Variants in PCDH15 observed in about 807,000 individuals in gnomAD.
The protein encoded by PCDH15 is protocadherin related 15.
In PCDH15, 129 loss-of-function variants were observed where a neutral mutation model predicts 178.5. The observed-to-expected ratio is 0.72, with a 90% CI of 0.63 to 0.84. The LOEUF (loss-of-function observed/expected upper bound fraction) is 0.84. Ranked by LOEUF, PCDH15 falls within the 40% of genes least tolerant of loss-of-function variation. PCDH15 has a pLI of 0.00. For missense variants in PCDH15, 2,230 were observed against 2,099.9 expected, an observed-to-expected ratio of 1.06 and a Z score of -1.21; for synonymous variants, 800 against 732.0, an observed-to-expected ratio of 1.09 and a Z score of -1.50.
chr10:54,441,589 C>G (rs893391728), intron 3 of PCDH15, among the ~76,000 whole-genome samples: 3 of 151,888 alleles, frequency 2.0e-5, no homozygotes, highest in Admixed American at 6.6e-5. Flanking sequence ...GTTATTCACA[C>G]ACCAAATTGT....
chr10:55,295,215 T>C (rs1055917086), intron 1 of PCDH15, among the ~76,000 whole-genome samples: 8 of 152,222 alleles, frequency 5.3e-5, no homozygotes, highest in African/African-American at 1.9e-4. Context: ...CTCCCTTTTT[T>C]ATTCCTACTT....
At chr10:54,895,873 T>C (rs909203514) in intron 3 of PCDH15, among the ~76,000 whole-genome samples, 2 of 152,106 alleles carry the variant, frequency 1.3e-5, no homozygotes, top group African/African-American at 4.8e-5. Flanking sequence ...AACTGAAAAA[T>C]AGCTAAGGGT....
chr10:55,055,244 C>T (rs1341776426), intron 2 of PCDH15, among the ~76,000 whole-genome samples: 2 of 152,056 alleles, frequency 1.3e-5, no homozygotes, highest in African/African-American at 2.4e-5. Flanking sequence ...AGCCTGTTAT[C>T]CAAGCAACAT....
intron 2 of PCDH15, among the ~76,000 whole-genome samples, chr10:55,471,733 T>C (rs964444727): frequency 4.6e-5 from 7 of 152,208 alleles, no homozygotes; most frequent in African/African-American, 1.7e-4. Context: ...GCGGAAGCTA[T>C]TGATGTTCTA....
At chr10:54,395,404 CCTGT>C (rs1297657729) in intron 3 of PCDH15, among the ~76,000 whole-genome samples, 4 of 147,244 alleles carry the variant, frequency 2.7e-5, no homozygotes, top group Non-Finnish European at 4.5e-5. Flanking sequence ...GACTATTATT[CCTGT>C]CTATCTCTAT....
chr10:54,895,782 C>G lies in PCDH15; in HGVS notation c.-29+1668G>C, dbSNP rs1297890730. ...GGTATATATCACTAAAAAGAACAAG[C>G]TGAATCAGTCAAGGTTTTTTTTAGC... On this transcript the variant is annotated intron_variant, in intron 3 of 5. Transcript: ENST00000458638. 2.6e-5 allele frequency among the ~76,000 whole-genome samples: 4 copies of G among 152,112 alleles called. 1 individual carries two copies. The highest frequency in any genetic ancestry group is 5.9e-5 in the Non-Finnish European group (4 of 68,012).
At chr10:54,129,934 T>C (rs557793048) in intron 15 of PCDH15, among the ~76,000 whole-genome samples, 1 of 152,220 alleles carries the variant, frequency 6.6e-6, no homozygotes, top group Non-Finnish European at 1.5e-5. Flanking sequence ...AAATTTTGTG[T>C]TTAAAAAAGG....
At chr10:53,853,327 C>T (rs935893761) in intron 28 of PCDH15, among the ~76,000 whole-genome samples, 6 of 151,712 alleles carry the variant, frequency 4.0e-5, no homozygotes, top group Admixed American at 2.0e-4. Context: ...TAGAATAAAA[C>T]GTATGAGAGG....
chr10:54,329,280 A>G (rs2039134998), intron 7 of PCDH15, among the ~76,000 whole-genome samples: 1 of 151,940 alleles, frequency 6.6e-6, no homozygotes, highest in Non-Finnish European at 1.5e-5. Context: ...ATGTATATTT[A>G]ATACACACCC....
At chr10:55,230,118 C>T (rs1242876169) in intron 1 of PCDH15, among the ~76,000 whole-genome samples, 1 of 151,834 alleles carries the variant, frequency 6.6e-6, no homozygotes, top group African/African-American at 2.4e-5. Flanking sequence ...TTCAATATTG[C>T]TATATGCAAA....
chr10:55,447,648 A>G lies in PCDH15; in HGVS notation c.-156+179977T>C, dbSNP rs1368385208. On this transcript the variant is annotated intron_variant, in intron 2 of 5. Coordinates refer to the PCDH15 transcript ENST00000613346. Reference sequence around the variant, plus strand: ...CCCTGCAAACTAAACCGAAGAAAAAATAATGCAATATTTTTCTAACTTCAG... The same window carrying G: ...CCCTGCAAACTAAACCGAAGAAAAAGTAATGCAATATTTTTCTAACTTCAG... Among the ~76,000 whole-genome samples, 6 of 152,094 alleles carry G rather than the reference A, an allele frequency of 3.9e-5. No homozygotes were observed. The East Asian group carries it at 1.2e-3, about 29-fold the overall frequency.
intron 3 of PCDH15, among the ~76,000 whole-genome samples, chr10:54,471,975 A>G (rs1252323771): frequency 6.6e-6 from 1 of 152,136 alleles, no homozygotes; most frequent in African/African-American, 2.4e-5. Flanking sequence ...ACTCTGATTT[A>G]TGAGAGCACA....
At chr10:55,340,500 A>C (rs1844524169) in intron 2 of PCDH15, among the ~76,000 whole-genome samples, 2 of 152,148 alleles carry the variant, frequency 1.3e-5, no homozygotes, top group Admixed American at 1.3e-4. Flanking sequence ...GGAATATGCC[A>C]CAATCACATA....
chr10:55,344,095 G>A (rs1397575954), intron 2 of PCDH15, among the ~76,000 whole-genome samples: 5 of 152,012 alleles, frequency 3.3e-5, no homozygotes, highest in Non-Finnish European at 7.4e-5. Flanking sequence ...GAGATACCAG[G>A]CAGAAAAGCC....
At chr10:54,717,876 G>A (rs1470677277) in intron 1 of PCDH15, among the ~76,000 whole-genome samples, 1 of 143,160 alleles carries the variant, frequency 7.0e-6, no homozygotes, top group Non-Finnish European at 1.5e-5. Context: ...GTCCAACAAT[G>A]ATAAACTGGA....
At chr10:55,590,616 G>A (rs1842825615) in intron 2 of PCDH15, among the ~76,000 whole-genome samples, 1 of 152,040 alleles carries the variant, frequency 6.6e-6, no homozygotes, top group Non-Finnish European at 1.5e-5. Context: ...ATTGCTTAAT[G>A]GCAGAAATAT....
chr10:54,270,695 G>A (rs765050478), intron 8 of PCDH15, among the ~76,000 whole-genome samples: 29 of 152,122 alleles, frequency 1.9e-4, no homozygotes, highest in Admixed American at 1.4e-3. Context: ...AGCTGTTTGT[G>A]GAAAATCAGG....
chr10:55,216,607 CA>C lies in PCDH15; in HGVS notation c.-155-49957del, dbSNP rs900606438. 4.6e-5 allele frequency among the ~76,000 whole-genome samples: 7 copies of C among 151,006 alleles called. No individual in the cohort carries two copies. The East Asian group carries it at 9.7e-4, about 21-fold the overall frequency. Reference sequence around the variant, plus strand: ...AGACAGGTTTTTAATGTTCTCATCACAAAAAAAATGATAAATGTTTAAGGTG... The same window carrying C: ...AGACAGGTTTTTAATGTTCTCATCACAAAAAAATGATAAATGTTTAAGGTG... On this transcript the variant is annotated intron_variant, in intron 1 of 5. Coordinates refer to the PCDH15 transcript ENST00000458638.
chr10:54,557,406 T>C (rs902372671), intron 2 of PCDH15, among the ~76,000 whole-genome samples: 13 of 152,318 alleles, frequency 8.5e-5, no homozygotes, highest in African/African-American at 2.6e-4. Context: ...ATGGATGATT[T>C]GGGCACATTT....
Sources: gnomAD v4.1 joint callset for allele counts (sites outside exome capture counted in the v4.1 genomes callset) on GRCh38, gnomAD v4.1.1 for gene constraint, MANE v1.5 for transcripts, NCBI Gene and HGNC (gene_info 2026-07-23, HGNC 2026-07-21) for gene names.